The following UBE2E3 variants were observed in gnomAD, a reference collection of about 807,000 sequenced individuals.
The protein encoded by UBE2E3 is ubiquitin conjugating enzyme E2 E3, also known as ubiquitin-conjugating enzyme E2 E3.
Under a neutral mutation model 23.6 loss-of-function variants are expected in UBE2E3, and 5 were observed. The ratio of observed to expected loss-of-function variants is 0.21; its 90% CI spans 0.11 to 0.44. The LOEUF (loss-of-function observed/expected upper bound fraction) is 0.44, where lower values mean the gene tolerates loss of function less well. Among genes scored for constraint, UBE2E3 ranks in the 20% least tolerant of loss-of-function variants. UBE2E3 has a pLI of 0.99. For missense variants in UBE2E3, 81 were observed against 249.8 expected (o/e 0.32, Z 4.55); for synonymous variants, 78 against 87.5 (o/e 0.89, Z 0.60).
intron 3 of UBE2E3, among the ~76,000 whole-genome samples, chr2:181,010,929 C>T (rs1313420126): frequency 6.6e-6 from 1 of 151,626 alleles, no homozygotes; most frequent in East Asian, 1.9e-4. Flanking sequence ...GATTTCTTTA[C>T]TAGTGAGTGT....
chr2:181,038,614 TTAAAG>T (rs1282583737), intron 3 of UBE2E3, among the ~76,000 whole-genome samples: 2 of 152,144 alleles, frequency 1.3e-5, no homozygotes, highest in Admixed American at 6.5e-5. Flanking sequence ...CAGGTGGAAC[TTAAAG>T]TAAAAGACAC....
intron 3 of UBE2E3, among the ~76,000 whole-genome samples, chr2:181,015,573 A>C (rs557070182): frequency 6.6e-6 from 1 of 152,340 alleles, no homozygotes; most frequent in African/African-American, 2.4e-5. Context: ...TTCTTGGAAA[A>C]ATGAACAGTT....
chr2:181,029,659 CTT>C (rs61149975), intron 3 of UBE2E3, among the ~76,000 whole-genome samples: 5,846 of 116,818 alleles, frequency 0.05, 141 homozygotes, highest in African/African-American at 0.086. Flanking sequence ...TGTAGACAAT[CTT>C]TTTTTTTTTT....
chr2:181,026,545 G>A (rs1235804428), intron 3 of UBE2E3, among the ~76,000 whole-genome samples: 1 of 148,682 alleles, frequency 6.7e-6, no homozygotes, highest in Non-Finnish European at 1.5e-5. Context: ...CTTGATACAT[G>A]CTTTCCAAAG....
intron 3 of UBE2E3, among the ~76,000 whole-genome samples, chr2:181,022,422 T>G (rs922959316): frequency 6.6e-6 from 1 of 152,140 alleles, no homozygotes; most frequent in Non-Finnish European, 1.5e-5. Flanking sequence ...AAAGATTATC[T>G]TTTTTTGATC....
chr2:181,046,288 CA>C (rs1348429676), intron 3 of UBE2E3, among the ~76,000 whole-genome samples: 3 of 152,142 alleles, frequency 2.0e-5, no homozygotes, highest in Non-Finnish European at 4.4e-5. Flanking sequence ...TCCGTGTAGG[CA>C]TTAAGGTTCT....
chr2:181,002,461 G>A (rs979221437), intron 3 of UBE2E3, among the ~76,000 whole-genome samples: 1 of 152,072 alleles, frequency 6.6e-6, no homozygotes, highest in African/African-American at 2.4e-5. Flanking sequence ...GAATGATTAC[G>A]AACGAAGAAA....
intron 3 of UBE2E3, among the ~76,000 whole-genome samples, chr2:181,001,405 T>C (rs1684987390): frequency 6.6e-6 from 1 of 152,124 alleles, no homozygotes; most frequent in Non-Finnish European, 1.5e-5. Flanking sequence ...CAATTATGTT[T>C]TGCCTTGAGT....
chr2:181,031,702 C>T (rs568760651), intron 3 of UBE2E3, among the ~76,000 whole-genome samples: 1 of 152,116 alleles, frequency 6.6e-6, no homozygotes, highest in South Asian at 2.1e-4. Context: ...TTTTGTTTTG[C>T]TCATAATTCC....
At chr2:181,012,435 G>T (rs1413362009) in intron 3 of UBE2E3, among the ~76,000 whole-genome samples, 1 of 152,150 alleles carries the variant, frequency 6.6e-6, no homozygotes, top group Non-Finnish European at 1.5e-5. Context: ...ATTAAAGAAT[G>T]TCAAGGGATG....
chr2:181,018,715 A>G (rs138222868), intron 3 of UBE2E3, among the ~76,000 whole-genome samples: 2 of 150,742 alleles, frequency 1.3e-5, no homozygotes, highest in East Asian at 3.9e-4. Context: ...AGGACTCTTC[A>G]TCTTTGATTT....
chr2:180,998,807 AAGG>A (rs1684908576), intron 3 of UBE2E3, among the ~76,000 whole-genome samples: 1 of 152,170 alleles, frequency 6.6e-6, no homozygotes. Flanking sequence ...TTTATCCAAA[AAGG>A]AGTAAAACAA....
chr2:181,040,835 G>C (rs561501727), intron 3 of UBE2E3, among the ~76,000 whole-genome samples: 8 of 152,314 alleles, frequency 5.3e-5, no homozygotes, highest in African/African-American at 1.7e-4. Context: ...TAGATCCAGA[G>C]AGTTAGACTG....
chr2:180,990,578 A>G (rs982545658), intron 3 of UBE2E3, among the ~76,000 whole-genome samples: 2 of 152,240 alleles, frequency 1.3e-5, no homozygotes, highest in African/African-American at 4.8e-5. Context: ...GTGAAACCAC[A>G]GGAATGACTA....
chr2:181,017,348 A>G (rs1685526596), intron 3 of UBE2E3, among the ~76,000 whole-genome samples: 1 of 152,192 alleles, frequency 6.6e-6, no homozygotes, highest in African/African-American at 2.4e-5. Context: ...AAGGGGGCTC[A>G]GAAATGAAGC....
chr2:180,990,307 A>AC (rs1684617496), intron 3 of UBE2E3, among the ~76,000 whole-genome samples: 1 of 152,236 alleles, frequency 6.6e-6, no homozygotes, highest in East Asian at 1.9e-4. Flanking sequence ...AATACATAGG[A>AC]CAGACCCCCA....
At chr2:181,021,632 T>TTTCCTTCCTTGCTTCCTTCC (rs1685700105) in intron 3 of UBE2E3, among the ~76,000 whole-genome samples, 1 of 39,994 alleles carries the variant, frequency 2.5e-5, no homozygotes, top group Non-Finnish European at 4.4e-5. Flanking sequence ...CCCTCCCTTT[T>TTTCCTTCCTTGCTTCCTTCC]TTCCTTCCTT....
At chr2:181,046,843 C>G (rs551671811) in intron 3 of UBE2E3, among the ~76,000 whole-genome samples, 1 of 152,104 alleles carries the variant, frequency 6.6e-6, no homozygotes, top group Non-Finnish European at 1.5e-5. Context: ...AGTGCCTTTA[C>G]AGCACTCTTA....
At chr2:181,021,747 A>G (rs1685710470) in intron 3 of UBE2E3, among the ~76,000 whole-genome samples, 1 of 150,286 alleles carries the variant, frequency 6.7e-6, no homozygotes, top group South Asian at 2.1e-4. Context: ...AAAGTAATTT[A>G]GCAGTTTTTG....
Sources: allele counts gnomAD v4.1 joint callset (sites outside exome capture counted in the v4.1 genomes callset), GRCh38; gene constraint gnomAD v4.1.1; transcripts MANE v1.5; gene names NCBI Gene and HGNC (gene_info 2026-07-23, HGNC 2026-07-21).